The following ZBED1 variants were observed in gnomAD, a reference collection of about 807,000 sequenced individuals.
ZBED1 encodes the protein E3 SUMO-protein ligase ZBED1.
Under a neutral mutation model 49.7 loss-of-function variants are expected in ZBED1, and 19 were observed. The observed-to-expected ratio is 0.38, with a 90% CI of 0.27 to 0.56. The LOEUF is 0.56. ZBED1 is among the 20% of genes least tolerant of loss of function. The probability of loss-of-function intolerance (pLI) is 0.70; values close to 1 mark genes in which losing one functional copy is unlikely to be tolerated. For synonymous variants in ZBED1, 439 were observed against 440.3 expected, an observed-to-expected ratio of 1.00 and a Z score of 0.04; for missense variants, 806 against 972.6, an observed-to-expected ratio of 0.83 and a Z score of 2.28.
intron 1 of ZBED1, among the ~76,000 whole-genome samples, chrX:2,495,672 T>C (rs2045266158): frequency 6.6e-6 from 1 of 152,112 alleles, no homozygotes; most frequent in South Asian, 2.1e-4. Flanking sequence ...TCCTCCTCCC[T>C]TGCAGCGCTT....
intron 1 of ZBED1, among the ~76,000 whole-genome samples, chrX:2,491,583 C>A (rs1316792732): frequency 1.3e-5 from 2 of 152,220 alleles, no homozygotes; most frequent in African/African-American, 4.8e-5. Context: ...AGAAGCCAAA[C>A]AGGACCTCCA....
chrX:2,489,482 G>A lies in ZBED1; in HGVS notation c.1238C>T (p.Ala413Val), dbSNP rs748578060. The change falls in exon 2 of 2, where the codon GCC becomes GTC. Residue 413 changes from alanine (A) to valine (V), a missense_variant. Physicochemically the swap from Ala to Val is moderately conservative, Grantham distance 64. Transcript: ENST00000652001. ...PFKQVAEMLS[A>V]SRYPTISMVK... ...CATGCTGATGGTGGGGTACCTGGAG[G>A]CCGACAGCATCTCGGCCACCTGCTT... 6 of 1,613,756 alleles carry A rather than the reference G, an allele frequency of 3.7e-6. No individual in the cohort carries two copies. Among genetic ancestry groups the A allele is most frequent in the Non-Finnish European group, 5.1e-6 (6 of 1,179,858 alleles).
rs753681338 is a variant in ZBED1 at position 2,489,937 on chromosome X, G to A, written c.783C>T (p.Ser261=). The A allele has an allele frequency of 1.2e-5, 20 of 1,613,758 alleles. No individual in the cohort carries two copies. The highest frequency in any genetic ancestry group is 1.7e-5 in the Admixed American group (1 of 59,998). Residue 261 remains serine (S), a synonymous_variant, in exon 2 of 2, where the codon AGC becomes AGT. Transcript: ENST00000652001. The stretch of plus-strand genomic sequence containing the variant: ...TGGTGGTGGCCCCGAAGACCTTGGC[G>A]CTGATGCCCCACTCGATGAAGACCT... The part of the protein sequence containing the change: ...LYEVFIEWGI[S]AKVFGATTNY...
At position 2,500,830 on chromosome X, in the gene ZBED1, GC is replaced by G; in HGVS notation, c.-68del. On this transcript the variant is annotated 5_prime_UTR_variant, in exon 1 of 2. An upstream open reading frame in the 5' UTR loses its in-frame stop. Transcript: ENST00000652001. ...CGCCCCGCTGACCTGGCTCCAGGAA[GC>G]CCCCGCGGCAGCGCCGCAGCAGCTG... 1 of 1,129,492 alleles carries G rather than the reference GC, an allele frequency of 8.9e-7. No individual in the cohort carries two copies. 70.0% of individuals were successfully genotyped at this position (1,129,492 alleles called of 1,614,324 possible).
intron 1 of ZBED1, 180 bp downstream of exon 1, chrX:2,500,637 G>A (rs2045398740): frequency 6.3e-6 from 1 of 158,880 alleles, no homozygotes; most frequent in Admixed American, 7.8e-5. Flanking sequence ...GGGCGGGGAG[G>A]TCCCAGCGCG....
At chrX:2,492,584 G>C (rs926870568) in intron 1 of ZBED1, among the ~76,000 whole-genome samples, 1 of 151,688 alleles carries the variant, frequency 6.6e-6, no homozygotes, top group African/African-American at 2.4e-5. Context: ...AGATCATCCG[G>C]GATTTGAGTG....
At position 2,486,741 on chromosome X, in the gene ZBED1, G is replaced by C. The variant is rs1470849182; in HGVS notation, c.*1894C>G. ...GCTGCCCTTCTGCCGAGAACACCCG[G>C]AGCTGAGGGTTCCAAGTTCACGGCG... On this transcript the variant is annotated 3_prime_UTR_variant, in exon 2 of 2. Transcript: ENST00000652001. 1 of 152,268 alleles carries C rather than the reference G, an allele frequency of 6.6e-6. No individual in the cohort carries two copies. The highest frequency in any genetic ancestry group is 1.5e-5 in the Non-Finnish European group (1 of 68,076). 9.4% of individuals were successfully genotyped at this position (152,268 alleles called of 1,614,324 possible). A position where few individuals can be genotyped will look rare whatever the true frequency, so the allele number is the denominator to read the frequency against.
At chrX:2,499,710 C>T (rs748881674) in intron 1 of ZBED1, among the ~76,000 whole-genome samples, 42 of 152,244 alleles carry the variant, frequency 2.8e-4, no homozygotes, top group African/African-American at 8.7e-4. Flanking sequence ...AGTTTCAGAC[C>T]AGCCTGGGCA....
chrX:2,496,208 GGTTT>G lies in ZBED1; in HGVS notation c.-54+4605_-54+4608del, dbSNP rs768658387. ...TTTGTTTTTGTTTTTTTGTTTTTTT[GGTTT>G]TTTTGAGACGGAGTCTCGCCCTGTT... On this transcript the variant is annotated intron_variant, in intron 1 of 1. Transcript: ENST00000652001. Among the ~76,000 whole-genome samples, 682 of 151,658 alleles carry G rather than the reference GGTTT, an allele frequency of 4.5e-3. 8 individuals carry two copies. Among genetic ancestry groups the G allele is most frequent in the African/African-American group, 0.015 (623 of 41,404 alleles).
chrX:2,495,170 C>G (rs2045250261), intron 1 of ZBED1, among the ~76,000 whole-genome samples: 2 of 150,578 alleles, frequency 1.3e-5, no homozygotes, highest in South Asian at 4.2e-4. Flanking sequence ...TGAAAGAAGT[C>G]ACAGTACCCT....
chrX:2,489,142 C>G lies in ZBED1; in HGVS notation c.1578G>C (p.Glu526Asp), dbSNP rs763728603. 97 of 1,613,486 alleles carry G rather than the reference C, an allele frequency of 6.0e-5. No homozygotes were observed. The highest frequency in any genetic ancestry group is 8.1e-5 in the Non-Finnish European group (96 of 1,179,854). The change falls in exon 2 of 2, where the codon GAG becomes GAC. Residue 526 changes from glutamate (E) to aspartate (D), a missense_variant. Physicochemically the swap from Glu to Asp is conservative, Grantham distance 45 (BLOSUM62 2). Coordinates refer to ENST00000652001, the MANE Select transcript of ZBED1 (RefSeq NM_001171136.2). Reference protein sequence around the residue: ...AEDKIFPVPEEPPVKKLMRTS... With the variant: ...AEDKIFPVPEDPPVKKLMRTS... ...TCCGCATGAGCTTCTTGACGGGAGG[C>G]TCCTCGGGCACCGGGAAGATCTTGT...
intron 1 of ZBED1, among the ~76,000 whole-genome samples, chrX:2,498,596 C>A (rs779515772): frequency 6.8e-6 from 1 of 147,896 alleles, no homozygotes; most frequent in East Asian, 2.0e-4. Context: ...TCTTTAACAA[C>A]CTTCTGTTGT....
At chrX:2,499,669 G>A (rs2045365291) in intron 1 of ZBED1, among the ~76,000 whole-genome samples, 1 of 152,164 alleles carries the variant, frequency 6.6e-6, no homozygotes, top group Non-Finnish European at 1.5e-5. Flanking sequence ...CACTTTGGGG[G>A]ACCCAGGTAG....
In ZBED1 at chrX:2,489,504, G is replaced by C; in HGVS notation, c.1216C>G (p.Gln406Glu). ...GAGGCCGACAGCATCTCGGCCACCT[G>C]CTTGAAGGGCTGCAGGAGCTCCACC... ...GLVELLQPFK[Q>E]VAEMLSASRY... The change falls in exon 2 of 2, where the codon CAG becomes GAG. Residue 406 changes from glutamine to glutamate, a missense_variant. Gln to Glu is a conservative substitution (Grantham distance 29). Transcript: ENST00000652001. 6.2e-7 allele frequency: 1 copy of C among 1,613,302 alleles called. No individual in the cohort carries two copies. The highest frequency in any genetic ancestry group is 1.1e-5 in the South Asian group (1 of 91,034).
At position 2,488,921 on chromosome X, in the gene ZBED1, A is replaced by T. The variant is rs1193587170; in HGVS notation, c.1799T>A (p.Leu600Gln). The change falls in exon 2 of 2, where the codon CTG becomes CAG. Residue 600 changes from leucine (L) to glutamine (Q), a missense_variant. By Grantham distance (113) the Leu-to-Gln change is moderately radical. Around this residue, in one of 2 missense-constraint regions of ZBED1, gnomAD observed 749 missense variants for 861.3 expected, o/e 0.87. Transcript: ENST00000652001. ...WWSDRLALFP[L>Q]LPKVLQKYWC... ...GTACTTCTGCAGCACCTTGGGCAGC[A>T]GGGGGAAGAGGGCCAGGCGGTCTGA... 1 of 1,602,154 alleles carries T rather than the reference A, an allele frequency of 6.2e-7. No homozygotes were observed. Among genetic ancestry groups the T allele is most frequent in the East Asian group, 2.2e-5 (1 of 44,780 alleles).
Position 2,490,076 on chromosome X carries a change from G to A in ZBED1, c.644C>T (p.Ala215Val). The A allele has an allele frequency of 6.2e-7, 1 of 1,613,754 alleles. No homozygotes were observed. ...NQNRAYVTLAAHFLGLGAPNC... is the reference protein window; with the variant it reads ...NQNRAYVTLAVHFLGLGAPNC... ...GGGGGCGCCCAGGCCCAGGAAGTGG[G>A]CGGCCAGCGTGACGTAGGCGCGGTT... Residue 215 changes from alanine to valine, a missense_variant, in exon 2 of 2, where the codon GCC becomes GTC. Around this residue, in one of 2 missense-constraint regions of ZBED1, gnomAD observed 749 missense variants for 861.3 expected, o/e 0.87. Transcript: ENST00000652001.
Position 2,490,475 on chromosome X carries a change from T to C in ZBED1, c.245A>G (p.Asn82Ser). 1 of 1,614,000 alleles carries C rather than the reference T, an allele frequency of 6.2e-7. No individual in the cohort carries two copies. Among genetic ancestry groups the C allele is most frequent in the Non-Finnish European group, 8.5e-7 (1 of 1,179,874 alleles). ...PEEFCEFVKS[N>S]TEQMREAFAT... The stretch of plus-strand genomic sequence containing the variant: ...GAAGGCTTCACGCATCTGCTCCGTG[T>C]TGCTCTTGACGAACTCGCAGAATTC... Residue 82 changes from asparagine to serine, a missense_variant, in exon 2 of 2, where the codon AAC becomes AGC. Around this residue, in one of 2 missense-constraint regions of ZBED1, gnomAD observed 57 missense variants for 111.3 expected, o/e 0.51. Transcript: ENST00000652001.
At position 2,488,795 on chromosome X, in the gene ZBED1, T is replaced by C; in HGVS notation, c.1925A>G (p.Asp642Gly). The C allele has an allele frequency of 6.2e-7, 1 of 1,613,860 alleles. No individual in the cohort carries two copies. Among genetic ancestry groups the C allele is most frequent in the South Asian group, 1.1e-5 (1 of 91,068 alleles). The change falls in exon 2 of 2, where the codon GAC (aspartate) becomes GGC (glycine). Residue 642 changes from aspartate (D) to glycine (G), a missense_variant. Physicochemically the swap from Asp to Gly is moderately conservative, Grantham distance 94 (BLOSUM62 -1). Around this residue, in one of 2 missense-constraint regions of ZBED1, gnomAD observed 749 missense variants for 861.3 expected, o/e 0.87. Coordinates refer to ENST00000652001, the MANE Select transcript of ZBED1 (RefSeq NM_001171136.2). Reference sequence around the variant, plus strand: ...GTTCTCATACAGAAACACCTGCTCGTCCACGTGCGCGGGAGCCAGCCGGTT... The same window carrying C: ...GTTCTCATACAGAAACACCTGCTCGCCCACGTGCGCGGGAGCCAGCCGGTT... ...KRNRLAPAHV[D>G]EQVFLYENAR...
In ZBED1 at chrX:2,488,965, T is replaced by C; in HGVS notation, c.1755A>G (p.Glu585=). ...FKSQKVLGLN[E]DPLKWWSDRL... is the part of the protein sequence containing the mutation. Reference sequence around the variant, plus strand: ...GGTCTGACCACCACTTGAGGGGGTCTTCGTTGAGGCCAAGCACCTTCTGGG... The same window carrying C: ...GGTCTGACCACCACTTGAGGGGGTCCTCGTTGAGGCCAAGCACCTTCTGGG... Residue 585 remains glutamate (E), a synonymous_variant, in exon 2 of 2, where the codon GAA becomes GAG. Transcript: ENST00000652001. 3.1e-6 allele frequency: 5 copies of C among 1,596,656 alleles called. No homozygotes were observed. Among genetic ancestry groups the C allele is most frequent in the Non-Finnish European group, 4.3e-6 (5 of 1,169,918 alleles).
Sources: gnomAD v4.1 joint callset for allele counts (sites outside exome capture counted in the v4.1 genomes callset) on GRCh38, gnomAD v4.1.1 for gene constraint, gnomAD v4.1.1 regional missense constraint, MANE v1.5 for transcripts, NCBI Gene and HGNC (gene_info 2026-07-23, HGNC 2026-07-21) for gene names.